Variants in DHX29 observed in about 807,000 individuals in gnomAD.
The protein encoded by DHX29 is ATP-dependent RNA helicase DHX29.
A neutral mutation model predicts 167.9 loss-of-function variants in DHX29; 79 were observed. The ratio of observed to expected loss-of-function variants is 0.47; its 90% CI spans 0.39 to 0.57. The LOEUF (loss-of-function observed/expected upper bound fraction) is 0.57, where lower values mean the gene tolerates loss of function less well. Ranked by LOEUF, DHX29 falls within the 20% of genes least tolerant of loss-of-function variation. The pLI is 0.00. For synonymous variants in DHX29, 530 were observed against 546.0 expected (o/e 0.97, Z 0.41); for missense variants, 1,347 against 1,593.4 (o/e 0.85, Z 2.63).
intron 1 of DHX29, among the ~76,000 whole-genome samples, chr5:55,303,126 C>A (rs867426396): frequency 1.3e-5 from 2 of 151,902 alleles, no homozygotes; most frequent in South Asian, 4.1e-4. Flanking sequence ...AAAAAATCAA[C>A]CAGAATCAGT....
chr5:55,283,139 T>A lies in DHX29; in HGVS notation c.1965+64A>T. On this transcript the variant is annotated intron_variant, in intron 11 of 26. Coordinates refer to ENST00000251636, the MANE Select transcript of DHX29 (RefSeq NM_019030.4). The stretch of plus-strand genomic sequence containing the variant: ...ACATATGGTACACATTCCATTTGGA[T>A]CACAAAAGCAAAGGTGAGTAATGTC... 2.6e-6 allele frequency: 4 copies of A among 1,511,598 alleles called. No homozygotes were observed. The South Asian group carries it at 5.2e-5, about 20-fold the overall frequency. The allele number at this position is 1,511,598 out of a possible 1,614,324, so 93.6% of individuals were successfully genotyped here.
At chr5:55,302,427 G>A (rs865964436) in intron 1 of DHX29, among the ~76,000 whole-genome samples, 2 of 151,608 alleles carry the variant, frequency 1.3e-5, no homozygotes, top group Admixed American at 6.6e-5. Context: ...AATGCCAGCC[G>A]GGGCAACATG....
intron 12 of DHX29, among the ~76,000 whole-genome samples, chr5:55,280,679 G>A (rs566491802): frequency 6.6e-6 from 1 of 152,078 alleles, no homozygotes; most frequent in South Asian, 2.1e-4. Context: ...AATTAATCAA[G>A]GAAGAAAAAC....
intron 2 of DHX29, 47 bp downstream of exon 2, chr5:55,298,544 A>G (rs748586291): frequency 8.5e-7 from 1 of 1,177,392 alleles, no homozygotes; most frequent in South Asian, 1.3e-5. Context: ...TTGGGGGAAA[A>G]AAGGGGGAAA....
At chr5:55,295,150 C>A in intron 5 of DHX29, 1 of 440,126 alleles carries the variant, frequency 2.3e-6, no homozygotes, top group Non-Finnish European at 4.0e-6. Flanking sequence ...CCTTGCTGAG[C>A]CCAGCACAGA....
At chr5:55,295,102 T>C (rs897402646) in intron 5 of DHX29, 6 of 278,336 alleles carry the variant, frequency 2.2e-5, no homozygotes, top group African/African-American at 1.3e-4. Context: ...CTTTGGATGT[T>C]CCAGCCTTGG....
At chr5:55,269,869 C>T (rs1309365045) in intron 20 of DHX29, among the ~76,000 whole-genome samples, 1 of 151,796 alleles carries the variant, frequency 6.6e-6, no homozygotes, top group East Asian at 1.9e-4. Context: ...TTAGATTTTC[C>T]AGTCCACATT....
intron 1 of DHX29, among the ~76,000 whole-genome samples, chr5:55,301,734 A>G (rs914668972): frequency 6.6e-6 from 1 of 151,472 alleles, no homozygotes; most frequent in African/African-American, 2.4e-5. Flanking sequence ...AAAAAAAAAA[A>G]AACAAGAATG....
rs1012224056 is a variant in DHX29, at chr5:55,274,893, G to T, written c.2545C>A (p.Leu849Ile). Residue 849 changes from leucine to isoleucine, a missense_variant, in exon 15 of 27, where the codon CTC becomes ATC. Physicochemically the swap from Leu to Ile is conservative, Grantham distance 5. Transcript: ENST00000251636. The part of the protein sequence containing the change: ...YMNPHKINLD[L>I]ILELLAYLDK... ...AAGTATGCAAGAAGTTCCAAAATGAGATCCAGGTTGATTTTATGAGGATTC... is the reference window on the plus strand; with the variant it reads ...AAGTATGCAAGAAGTTCCAAAATGATATCCAGGTTGATTTTATGAGGATTC... 1 of 1,613,584 alleles carries T rather than the reference G, an allele frequency of 6.2e-7. No homozygotes were observed. The highest frequency in any genetic ancestry group is 8.5e-7 in the Non-Finnish European group (1 of 1,179,832).
chr5:55,277,177 T>C lies in DHX29; in HGVS notation c.2215A>G (p.Ser739Gly), dbSNP rs1747156349. Residue 739 changes from serine (S) to glycine (G), a missense_variant, in exon 13 of 27, where the codon AGC becomes GGC. By Grantham distance (56) the Ser-to-Gly change is moderately conservative. Transcript: ENST00000251636. ...GTGAAATATGTAGAAAATTTTTCGC[T>C]GTCCACAGTGGCACTCATTAGAATC... ...HLILMSATVD[S>G]EKFSTYFTHC... 4 of 1,612,624 alleles carry C rather than the reference T, an allele frequency of 2.5e-6. No homozygotes were observed.
intron 14 of DHX29, among the ~76,000 whole-genome samples, chr5:55,275,419 C>A (rs551593472): frequency 6.6e-6 from 1 of 152,282 alleles, no homozygotes; most frequent in East Asian, 1.9e-4. Context: ...GGATTCCAAT[C>A]ATCTCTTTTG....
At chr5:55,302,791 G>A (rs1348400478) in intron 1 of DHX29, among the ~76,000 whole-genome samples, 2 of 152,048 alleles carry the variant, frequency 1.3e-5, no homozygotes, top group African/African-American at 4.8e-5. Context: ...AGAAATCAAG[G>A]AATCCTGCTC....
rs1746620077 is a variant in DHX29 at position 55,267,176 on chromosome 5, T to C, written c.3487A>G (p.Arg1163Gly). 1.2e-6 allele frequency: 2 copies of C among 1,613,216 alleles called. No homozygotes were observed. Among genetic ancestry groups the C allele is most frequent in the African/African-American group, 2.7e-5 (2 of 75,024 alleles). The change falls in exon 23 of 27, where the codon AGG becomes GGG. Residue 1163 changes from arginine to glycine, a missense_variant. Transcript: ENST00000251636. The part of the protein sequence containing the change: ...GYRSEITYCR[R>G]NFLNRTSLLT... Reference sequence around the variant, plus strand: ...AGTGATGTTCTATTAAGAAAGTTCCTCCGGCAGTATGTGATTTCAGAACGA... The same window carrying C: ...AGTGATGTTCTATTAAGAAAGTTCCCCCGGCAGTATGTGATTTCAGAACGA...
intron 23 of DHX29, 136 bp downstream of exon 23, chr5:55,266,998 ACAAT>A (rs1469242688): frequency 1.8e-6 from 1 of 554,930 alleles, no homozygotes; most frequent in African/African-American, 1.9e-5. Flanking sequence ...AGAAAGAAGT[ACAAT>A]CACAAATGTA....
rs1423070105 is a variant in DHX29 at position 55,289,298 on chromosome 5, T to C, written c.1038A>G (p.Lys346=). Residue 346 remains lysine, a synonymous_variant, in exon 8 of 27, where the codon AAA becomes AAG. Coordinates refer to ENST00000251636, the MANE Select transcript of DHX29 (RefSeq NM_019030.4). Reference sequence around the variant, plus strand: ...TCTCTTCTTCAGTAGCAGCTGCAGATTTTTCAAATAAATTAAAATTCAATG... The same window carrying C: ...TCTCTTCTTCAGTAGCAGCTGCAGACTTTTCAAATAAATTAAAATTCAATG... ...ESALNFNLFE[K]SAAATEEEKD... 6.3e-7 allele frequency: 1 copy of C among 1,577,876 alleles called. No individual in the cohort carries two copies. The highest frequency in any genetic ancestry group is 8.6e-7 in the Non-Finnish European group (1 of 1,167,762).
At chr5:55,267,551 T>C (rs1746639703) in intron 22 of DHX29, 135 bp downstream of exon 22, 2 of 749,942 alleles carry the variant, frequency 2.7e-6, no homozygotes, top group East Asian at 2.9e-5. Flanking sequence ...AACATAATTA[T>C]ACCTTGACAG....
intron 1 of DHX29, among the ~76,000 whole-genome samples, chr5:55,300,534 C>G (rs968155358): frequency 6.6e-6 from 1 of 151,336 alleles, no homozygotes; most frequent in Non-Finnish European, 1.5e-5. Context: ...TTAGCTGGGC[C>G]TGGTGATGCA....
chr5:55,268,799 A>G (rs138507947), intron 21 of DHX29, among the ~76,000 whole-genome samples: 87 of 152,286 alleles, frequency 5.7e-4, no homozygotes, highest in African/African-American at 2.0e-3. Flanking sequence ...TTATTGGCTC[A>G]GAGAGAGAGG....
intron 8 of DHX29, among the ~76,000 whole-genome samples, chr5:55,288,650 A>T (rs1194163558): frequency 6.6e-6 from 1 of 152,078 alleles, no homozygotes; most frequent in Non-Finnish European, 1.5e-5. Flanking sequence ...TAACTCAAAA[A>T]TTTTTTAAAA....
Sources: gnomAD v4.1 joint callset for allele counts (sites outside exome capture counted in the v4.1 genomes callset) on GRCh38, gnomAD v4.1.1 for gene constraint, MANE v1.5 for transcripts, NCBI Gene and HGNC (gene_info 2026-07-23, HGNC 2026-07-21) for gene names.